Variants in NRG1 observed in about 807,000 individuals in gnomAD.
NRG1 encodes the protein neuregulin 1.
Under a neutral mutation model 63.8 loss-of-function variants are expected in NRG1, and 18 were observed. That is an observed-to-expected ratio of 0.28 (90% CI 0.19 to 0.42). The LOEUF is 0.42. Among genes scored for constraint, NRG1 ranks in the 10% least tolerant of loss-of-function variants. NRG1 has a pLI of 1.00. For missense variants in NRG1, 762 were observed against 814.7 expected (o/e 0.94, Z 0.79); for synonymous variants, 302 against 301.3 (o/e 1.00, Z -0.02).
intron 9 of NRG1, among the ~76,000 whole-genome samples, chr8:32,756,822 A>G (rs1829784250): frequency 6.6e-6 from 1 of 152,178 alleles, no homozygotes; most frequent in African/African-American, 2.4e-5. Flanking sequence ...GAGAGTGGGG[A>G]GAAAACAAAT....
Position 32,741,991 on chromosome 8 carries a change from A to C in NRG1, c.633-684A>C. 6.2e-7 allele frequency: 1 copy of C among 1,609,194 alleles called. No homozygotes were observed. The highest frequency in any genetic ancestry group is 1.1e-5 in the South Asian group (1 of 90,840). On this transcript the variant is annotated intron_variant, in intron 6 of 11. Transcript: ENST00000356819. ...CTTTAGCATTTTTTTTTTGCTTACC[A>C]CATTTTTGCCCTCTAGGTGCCAACC... is the stretch of plus-strand genomic sequence containing the variant.
intron 1 of NRG1, among the ~76,000 whole-genome samples, chr8:32,322,321 A>G (rs1450239411): frequency 6.6e-6 from 1 of 151,232 alleles, no homozygotes; most frequent in African/African-American, 2.4e-5. Flanking sequence ...TTTGCACTAA[A>G]TAACGATAAA....
intron 1 of NRG1, among the ~76,000 whole-genome samples, chr8:32,158,745 G>A (rs1289308098): frequency 6.6e-6 from 1 of 151,942 alleles, no homozygotes; most frequent in African/African-American, 2.4e-5. Context: ...GTTCAGTTAT[G>A]TCTGACTTAA....
At position 32,585,191 on chromosome 8, in the gene NRG1, G is replaced by A. The variant is rs543369289; in HGVS notation, c.101-10637G>A. On this transcript the variant is annotated intron_variant, in intron 1 of 11. Transcript: ENST00000356819. The stretch of plus-strand genomic sequence containing the variant: ...TTTTGGAAGTGAATATGGCTGGTAT[G>A]TATAATGCATAAGAAAAAAATCCTG... Among the ~76,000 whole-genome samples, 37 of 146,004 alleles carry A rather than the reference G, an allele frequency of 2.5e-4. 2 individuals carry two copies. In the South Asian group the frequency reaches 4.3e-3, roughly 17 times the overall value.
chr8:31,992,965 CCAAA>C (rs2129632851), intron 1 of NRG1, among the ~76,000 whole-genome samples: 1 of 151,986 alleles, frequency 6.6e-6, no homozygotes, highest in African/African-American at 2.4e-5. Flanking sequence ...ATTCAATTAC[CCAAA>C]CAATTAGTCA....
intron 1 of NRG1, among the ~76,000 whole-genome samples, chr8:32,337,676 A>AAAAAAAAAAAAAAAAAAAAAAAAAAC (rs1325473731): frequency 7.6e-6 from 1 of 131,066 alleles, no homozygotes; most frequent in Non-Finnish European, 1.7e-5. Context: ...AAAAAAAAAA[A>AAAAAAAAAAAAAAAAAAAAAAAAAAC]AAAAAAGCTG....
chr8:31,655,983 G>A (rs188229917), intron 1 of NRG1, among the ~76,000 whole-genome samples: 119 of 152,310 alleles, frequency 7.8e-4, no homozygotes, highest in Non-Finnish European at 1.5e-4. Flanking sequence ...GTGTATTGTC[G>A]ACATATCCAC....
chr8:31,887,846 A>G (rs1043034181), intron 1 of NRG1, among the ~76,000 whole-genome samples: 42 of 152,034 alleles, frequency 2.8e-4, no homozygotes, highest in African/African-American at 1.0e-3. Flanking sequence ...AGATAAAGGA[A>G]GTATGCTCTG....
chr8:31,648,266 TGGG>T (rs1322839570), intron 1 of NRG1, among the ~76,000 whole-genome samples: 2 of 151,072 alleles, frequency 1.3e-5, no homozygotes, highest in Non-Finnish European at 2.9e-5. Flanking sequence ...CCCGTGTAGC[TGGG>T]ACTACAGGCG....
chr8:31,994,440 G>A (rs1381590042), intron 1 of NRG1, among the ~76,000 whole-genome samples: 1 of 151,646 alleles, frequency 6.6e-6, no homozygotes, highest in Non-Finnish European at 1.5e-5. Context: ...ATCACTTCAG[G>A]ACAGGAGTTC....
intron 1 of NRG1, among the ~76,000 whole-genome samples, chr8:31,711,704 G>C (rs1242846022): frequency 6.6e-6 from 1 of 152,114 alleles, no homozygotes; most frequent in Non-Finnish European, 1.5e-5. Context: ...CATAATCTAA[G>C]TGGCTTATGA....
At chr8:32,738,425 TACACACAC>T (rs35398326) in intron 6 of NRG1, among the ~76,000 whole-genome samples, 8 of 149,662 alleles carry the variant, frequency 5.3e-5, no homozygotes, top group Non-Finnish European at 4.5e-5. Flanking sequence ...GGTATATACA[TACACACAC>T]ACACACACAC....
At chr8:32,746,144 T>G (rs1413229280) in intron 7 of NRG1, among the ~76,000 whole-genome samples, 1 of 151,558 alleles carries the variant, frequency 6.6e-6, no homozygotes, top group Non-Finnish European at 1.5e-5. Flanking sequence ...AGTGTGCTTA[T>G]GTGCACATGG....
At chr8:32,595,468 C>T (rs1238926598) in intron 1 of NRG1, among the ~76,000 whole-genome samples, 3 of 152,090 alleles carry the variant, frequency 2.0e-5, no homozygotes, top group Admixed American at 6.6e-5. Flanking sequence ...GGATTACAGG[C>T]GTGAACCACC....
chr8:32,760,149 C>A, intron 10 of NRG1, 51 bp from the exon 11 acceptor site: 1 of 1,596,996 alleles, frequency 6.3e-7, no homozygotes, highest in Non-Finnish European at 8.6e-7. Flanking sequence ...CATTTTTTTG[C>A]ATATAATTTT....
intron 1 of NRG1, among the ~76,000 whole-genome samples, chr8:32,260,028 C>T (rs968258809): frequency 2.0e-5 from 3 of 152,146 alleles, no homozygotes; most frequent in Non-Finnish European, 4.4e-5. Flanking sequence ...TAACTCATGT[C>T]ATATTCATGT....
intron 1 of NRG1, among the ~76,000 whole-genome samples, chr8:32,095,594 T>C (rs1474564364): frequency 6.6e-6 from 1 of 152,160 alleles, no homozygotes; most frequent in African/African-American, 2.4e-5. Context: ...ATTAGATGTA[T>C]TTTAGGGGAA....
chr8:32,338,374 G>C (rs1803606645), intron 1 of NRG1, among the ~76,000 whole-genome samples: 1 of 152,122 alleles, frequency 6.6e-6, no homozygotes, highest in African/African-American at 2.4e-5. Flanking sequence ...TATTCTGGTT[G>C]ACATGGGTTG....
chr8:31,760,772 G>C (rs1370656985), intron 1 of NRG1, among the ~76,000 whole-genome samples: 11 of 152,186 alleles, frequency 7.2e-5, no homozygotes, highest in African/African-American at 2.2e-4. Context: ...ACACCAGTTA[G>C]AATGGCAATC....
Sources: allele counts gnomAD v4.1 joint callset (sites outside exome capture counted in the v4.1 genomes callset), GRCh38; gene constraint gnomAD v4.1.1; transcripts MANE v1.5; gene names NCBI Gene and HGNC (gene_info 2026-07-23, HGNC 2026-07-21).